GALNTL6: variants seen among roughly 807,000 people sequenced by gnomAD.
GALNTL6 encodes the protein polypeptide N-acetylgalactosaminyltransferase-like 6.
Under a neutral mutation model 73.7 loss-of-function variants are expected in GALNTL6, and 46 were observed. The observed-to-expected ratio is 0.62, with a 90% CI of 0.49 to 0.80. The LOEUF is 0.80. Ranked by LOEUF, GALNTL6 falls within the 30% of genes least tolerant of loss-of-function variation. GALNTL6 has a pLI of 0.00. For synonymous variants in GALNTL6, 259 were observed against 263.7 expected (o/e 0.98, Z 0.17); for missense variants, 604 against 755.0 (o/e 0.80, Z 2.34).
At chr4:172,892,617 T>A (rs1211943550) in intron 8 of GALNTL6, among the ~76,000 whole-genome samples, 2 of 151,928 alleles carry the variant, frequency 1.3e-5, no homozygotes, top group African/African-American at 4.8e-5. Context: ...TTTTTTTTTT[T>A]TTTTTAACTG....
chr4:171,918,556 G>T (rs1302007245), intron 2 of GALNTL6, among the ~76,000 whole-genome samples: 1 of 151,980 alleles, frequency 6.6e-6, no homozygotes, highest in African/African-American at 2.4e-5. Flanking sequence ...AATGCAAAAT[G>T]GTGCAGCCAC....
intron 5 of GALNTL6, among the ~76,000 whole-genome samples, chr4:172,466,455 A>T (rs1732823639): frequency 6.6e-6 from 1 of 152,152 alleles, no homozygotes; most frequent in Non-Finnish European, 1.5e-5. Context: ...GTATCTCAAG[A>T]TTTGCAGCTA....
chr4:171,901,244 A>C (rs1249389407), intron 2 of GALNTL6, among the ~76,000 whole-genome samples: 2 of 152,210 alleles, frequency 1.3e-5, no homozygotes, highest in Non-Finnish European at 2.9e-5. Flanking sequence ...ACAGAATAAA[A>C]TCTTGGTGAC....
chr4:172,546,984 A>T (rs538899422), intron 5 of GALNTL6, among the ~76,000 whole-genome samples: 5 of 151,404 alleles, frequency 3.3e-5, no homozygotes, highest in African/African-American at 7.3e-5. Flanking sequence ...TATGCGTTCA[A>T]CAATAGCTCC....
At chr4:172,226,862 A>C (rs1736885560) in intron 2 of GALNTL6, among the ~76,000 whole-genome samples, 1 of 151,988 alleles carries the variant, frequency 6.6e-6, no homozygotes, top group South Asian at 2.1e-4. Context: ...ACTCTCTCTG[A>C]TTCTCTAAAT....
At position 172,444,489 on chromosome 4, in the gene GALNTL6, T is replaced by G. The variant is rs1183686728; in HGVS notation, c.553+95800T>G. ...TAAATTGGTTGTTTGAGAGCTGGAC[T>G]GTCTGTTTTGCAGCATGTAGTTTGA... On this transcript the variant is annotated intron_variant, in intron 5 of 12. Transcript: ENST00000506823. Among the ~76,000 whole-genome samples, 12 of 152,330 alleles carry G rather than the reference T, an allele frequency of 7.9e-5. No homozygotes were observed. In the East Asian group the frequency reaches 2.3e-3, roughly 29 times the overall value.
chr4:172,324,945 G>A (rs1031722420), intron 4 of GALNTL6, among the ~76,000 whole-genome samples: 2 of 151,304 alleles, frequency 1.3e-5, no homozygotes, highest in African/African-American at 4.8e-5. Flanking sequence ...AGGTAAATGT[G>A]TAGATTTAAA....
intron 2 of GALNTL6, among the ~76,000 whole-genome samples, chr4:171,902,461 A>C (rs1051415477): frequency 6.6e-6 from 1 of 152,230 alleles, no homozygotes; most frequent in African/African-American, 2.4e-5. Context: ...AGGCGAGGAC[A>C]TTCAGTGACT....
intron 8 of GALNTL6, among the ~76,000 whole-genome samples, chr4:172,930,051 CG>C (rs1748247055): frequency 6.6e-6 from 1 of 152,008 alleles, no homozygotes; most frequent in Admixed American, 6.6e-5. Context: ...CCGAGGTGGG[CG>C]GATCACCTGA....
At chr4:172,129,930 T>C (rs1733408906) in intron 2 of GALNTL6, among the ~76,000 whole-genome samples, 1 of 152,128 alleles carries the variant, frequency 6.6e-6, no homozygotes, top group Non-Finnish European at 1.5e-5. Context: ...GATCCCAACC[T>C]AAATAACAAA....
chr4:171,990,009 C>T (rs1740287133), intron 2 of GALNTL6, among the ~76,000 whole-genome samples: 1 of 152,034 alleles, frequency 6.6e-6, no homozygotes. Flanking sequence ...CGGAAGGAAA[C>T]AGTAAGCTGG....
chr4:172,465,900 C>A (rs1732796417), intron 5 of GALNTL6, among the ~76,000 whole-genome samples: 1 of 152,254 alleles, frequency 6.6e-6, no homozygotes, highest in Admixed American at 6.5e-5. Flanking sequence ...TGCTTTATGG[C>A]TTTTCTTCAA....
At chr4:172,483,064 A>T (rs1232425779) in intron 5 of GALNTL6, among the ~76,000 whole-genome samples, 1 of 152,186 alleles carries the variant, frequency 6.6e-6, no homozygotes, top group Non-Finnish European at 1.5e-5. Context: ...CAAATATTAC[A>T]TATGTGTTTG....
intron 10 of GALNTL6, among the ~76,000 whole-genome samples, chr4:172,955,417 C>A (rs1043003182): frequency 6.6e-6 from 1 of 151,336 alleles, no homozygotes; most frequent in Non-Finnish European, 1.5e-5. Flanking sequence ...GGTGCCACTG[C>A]ACTCCAGCCT....
At chr4:172,697,192 G>A (rs1011422049) in intron 5 of GALNTL6, among the ~76,000 whole-genome samples, 9 of 152,072 alleles carry the variant, frequency 5.9e-5, no homozygotes, top group African/African-American at 2.2e-4. Flanking sequence ...GATATCCTTA[G>A]CATTTCTGAA....
At chr4:172,822,781 GT>G (rs938931612) in intron 7 of GALNTL6, among the ~76,000 whole-genome samples, 3 of 152,052 alleles carry the variant, frequency 2.0e-5, no homozygotes, top group African/African-American at 7.2e-5. Context: ...TTTCGTAGGG[GT>G]TTTTTTGGTC....
intron 5 of GALNTL6, among the ~76,000 whole-genome samples, chr4:172,615,380 C>T (rs1738683594): frequency 6.6e-6 from 1 of 152,032 alleles, no homozygotes; most frequent in Non-Finnish European, 1.5e-5. Flanking sequence ...AATAGCTCTC[C>T]TCTCAATGAT....
At chr4:172,954,516 G>A (rs1415997552) in intron 10 of GALNTL6, among the ~76,000 whole-genome samples, 2 of 152,114 alleles carry the variant, frequency 1.3e-5, no homozygotes, top group East Asian at 3.8e-4. Context: ...ACACAGGCTG[G>A]AGTGCAGTGG....
At chr4:172,825,892 A>G (rs1013181505) in intron 7 of GALNTL6, among the ~76,000 whole-genome samples, 5 of 152,172 alleles carry the variant, frequency 3.3e-5, no homozygotes, top group African/African-American at 4.8e-5. Flanking sequence ...TGAAGAATAC[A>G]GCCTAGCTAA....
Sources: allele counts gnomAD v4.1 joint callset (sites outside exome capture counted in the v4.1 genomes callset), GRCh38; gene constraint gnomAD v4.1.1; transcripts MANE v1.5; gene names NCBI Gene and HGNC (gene_info 2026-07-23, HGNC 2026-07-21).